The following GOLGA6L2 variants were observed in gnomAD, a reference collection of about 807,000 sequenced individuals.
The protein encoded by GOLGA6L2 is golgin subfamily A member 6-like protein 2.
Under a neutral mutation model 35.9 loss-of-function variants are expected in GOLGA6L2, and 30 were observed. The observed-to-expected ratio is 0.83, with a 90% CI of 0.62 to 1.13. GOLGA6L2 has a LOEUF of 1.13. Ranked by LOEUF, GOLGA6L2 falls within the 50% of genes most tolerant of loss-of-function variation. The pLI, the probability that GOLGA6L2 is intolerant of heterozygous loss-of-function variation, is 0.00. For synonymous variants in GOLGA6L2, 297 were observed against 344.0 expected (o/e 0.86, Z 1.51); for missense variants, 821 against 973.4 (o/e 0.84, Z 2.08).
rs74627979 is a variant in GOLGA6L2, at chr15:23,439,447, C to CTT, written c.*296_*297dup. On this transcript the variant is annotated 3_prime_UTR_variant, in exon 8 of 8. Coordinates refer to ENST00000567107, the MANE Select transcript of GOLGA6L2 (RefSeq NM_001304388.2). ...CACAATTTAAAGTAAATTTTCTTTT[C>CTT]TTTTTTTTTTTTTTTTTCAAGTTTG... The CTT allele has an allele frequency of 3.0e-3, 1,233 of 417,180 alleles. No individual in the cohort carries two copies. Among genetic ancestry groups the CTT allele is most frequent in the South Asian group, 5.1e-3 (180 of 35,168 alleles). 25.8% of individuals were successfully genotyped at this position (417,180 alleles called of 1,614,324 possible).
rs1315107087 is a variant in GOLGA6L2, at chr15:23,440,832, C to G, written c.1643G>C (p.Gly548Ala). 5.9e-6 allele frequency: 9 copies of G among 1,519,368 alleles called. No homozygotes were observed. The highest frequency in any genetic ancestry group is 4.2e-5 in the African/African-American group (3 of 72,086). 94.1% of individuals were successfully genotyped at this position (1,519,368 alleles called of 1,614,324 possible). A position where few individuals can be genotyped will look rare whatever the true frequency, so the allele number is the denominator to read the frequency against. ...TTCTCCTGCTCCTGCAGCCTCTCCT[C>G]CTGTCTCCACATCTTCCTGCTCCCG... ...KMREQEDVET[G>A]GEAAGAGEAD... Residue 548 changes from glycine (G) to alanine (A), a missense_variant, in exon 8 of 8, where the codon GGA (glycine) becomes GCA (alanine). Around this residue, in one of 7 missense-constraint regions of GOLGA6L2, gnomAD observed 614 missense variants for 632.3 expected, o/e 0.97. Transcript: ENST00000567107.
chr15:23,441,139 T>C lies in GOLGA6L2; in HGVS notation c.1336A>G (p.Met446Val). The change falls in exon 8 of 8, where the codon ATG (methionine) becomes GTG (valine). Residue 446 changes from methionine (M) to valine (V), a missense_variant. By Grantham distance (21) the Met-to-Val change is conservative. This residue lies in a region of GOLGA6L2 where 614 missense variants were observed against 632.3 expected (regional missense o/e 0.97). Coordinates refer to ENST00000567107, the MANE Select transcript of GOLGA6L2 (RefSeq NM_001304388.2). Reference protein sequence around the residue: ...EKKTRDQEEKMQEEERIRERE... With the variant: ...EKKTRDQEEKVQEEERIRERE... Reference sequence around the variant, plus strand: ...TCCCGTATCCTCTCCTCCTCTTGCATCTTCTCCTCCTGGTCCCGCGTCTTC... The same window carrying C: ...TCCCGTATCCTCTCCTCCTCTTGCACCTTCTCCTCCTGGTCCCGCGTCTTC... 6.6e-7 allele frequency: 1 copy of C among 1,510,056 alleles called. No homozygotes were observed. The highest frequency in any genetic ancestry group is 8.8e-7 in the Non-Finnish European group (1 of 1,130,238). The allele number at this position is 1,510,056 out of a possible 1,614,324, so 93.5% of individuals were successfully genotyped here.
chr15:23,441,158 C>T lies in GOLGA6L2; in HGVS notation c.1317G>A (p.Thr439=), dbSNP rs79909243. ...EKKMQEQEKK[T]RDQEEKMQEE... ...CTTGCATCTTCTCCTCCTGGTCCCG[C>T]GTCTTCTTCTCCTGCTCCTGCATCT... Residue 439 remains threonine (T), a synonymous_variant, in exon 8 of 8, where the codon ACG becomes ACA. Coordinates refer to ENST00000567107, the MANE Select transcript of GOLGA6L2 (RefSeq NM_001304388.2). 2.8e-5 allele frequency: 43 copies of T among 1,536,424 alleles called. No homozygotes were observed. The highest frequency in any genetic ancestry group is 4.8e-5 in the South Asian group (4 of 83,746).
chr15:23,443,370 T>C (rs1209323275), intron 5 of GOLGA6L2, among the ~76,000 whole-genome samples: 1 of 119,772 alleles, frequency 8.3e-6, no homozygotes, highest in Non-Finnish European at 1.8e-5. Flanking sequence ...TATGTTACCA[T>C]AATACGTACA....
rs1342471983 is a variant in GOLGA6L2 at position 23,441,101 on chromosome 15, C to A, written c.1374G>T (p.Lys458Asn). 10 of 1,531,476 alleles carry A rather than the reference C, an allele frequency of 6.5e-6. No homozygotes were observed. The highest frequency in any genetic ancestry group is 1.4e-5 in the African/African-American group (1 of 71,436). The allele number at this position is 1,531,476 out of a possible 1,614,324, so 94.9% of individuals were successfully genotyped here. A position where few individuals can be genotyped will look rare whatever the true frequency, so the allele number is the denominator to read the frequency against. ...GCATCGTCTCCTCCTCTTCCCGCAT[C>A]TTCTTCTCCCGCTCCCGTATCCTCT... ...EEERIREREK[K>N]MREEEETMRE... The change falls in exon 8 of 8, where the codon AAG becomes AAT. Residue 458 changes from lysine to asparagine, a missense_variant. This residue lies in a region of GOLGA6L2 where 614 missense variants were observed against 632.3 expected (regional missense o/e 0.97). Coordinates refer to ENST00000567107, the MANE Select transcript of GOLGA6L2 (RefSeq NM_001304388.2).
chr15:23,441,198 A>G lies in GOLGA6L2; in HGVS notation c.1277T>C (p.Met426Thr), dbSNP rs2070680373. 2 of 1,519,478 alleles carry G rather than the reference A, an allele frequency of 1.3e-6. No homozygotes were observed. Among genetic ancestry groups the G allele is most frequent in the Non-Finnish European group, 8.8e-7 (1 of 1,139,990 alleles). 94.1% of individuals were successfully genotyped at this position (1,519,478 alleles called of 1,614,324 possible). The change falls in exon 8 of 8, where the codon ATG (methionine) becomes ACG (threonine). Residue 426 changes from methionine to threonine, a missense_variant. Met to Thr is a moderately conservative substitution (Grantham distance 81). Around this residue, in one of 7 missense-constraint regions of GOLGA6L2, gnomAD observed 614 missense variants for 632.3 expected, o/e 0.97. Coordinates refer to ENST00000567107, the MANE Select transcript of GOLGA6L2 (RefSeq NM_001304388.2). ...CTCCTGCATCTTCTTCTCCTCCCGCATCTTCTCCACCTGCTCCCACATCTT... is the reference window on the plus strand; with the variant it reads ...CTCCTGCATCTTCTTCTCCTCCCGCGTCTTCTCCACCTGCTCCCACATCTT... ...QEKMWEQVEK[M>T]REEKKMQEQE...
At position 23,447,227 on chromosome 15, in the gene GOLGA6L2, C is replaced by T; in HGVS notation, c.-46G>A. On this transcript the variant is annotated 5_prime_UTR_variant, in exon 1 of 8. Coordinates refer to ENST00000567107, the MANE Select transcript of GOLGA6L2 (RefSeq NM_001304388.2). ...CAAGGATACACCTCCAGTCACGTAC[C>T]ACGCAGCTATGTGACTGAGCCAGAG... is the stretch of plus-strand genomic sequence containing the variant. 1 of 1,092,216 alleles carries T rather than the reference C, an allele frequency of 9.2e-7. No homozygotes were observed. Among genetic ancestry groups the T allele is most frequent in the Non-Finnish European group, 1.4e-6 (1 of 708,150 alleles). The allele number at this position is 1,092,216 out of a possible 1,614,324, so 67.7% of individuals were successfully genotyped here.
intron 1 of GOLGA6L2, among the ~76,000 whole-genome samples, chr15:23,446,593 G>T (rs1020500228): frequency 2.0e-5 from 3 of 152,222 alleles, no homozygotes; most frequent in Non-Finnish European, 4.4e-5. Context: ...TGCCCAAGTT[G>T]CCTCTTTGAG....
intron 6 of GOLGA6L2, 116 bp downstream of exon 6, chr15:23,442,334 T>G (rs528992780): frequency 7.8e-7 from 1 of 1,281,994 alleles, no homozygotes; most frequent in Non-Finnish European, 1.1e-6. Context: ...AGCTTCCCTG[T>G]GCACACATGT....
At chr15:23,443,205 TAAG>T (rs2070717302) in intron 5 of GOLGA6L2, among the ~76,000 whole-genome samples, 2 of 152,080 alleles carry the variant, frequency 1.3e-5, no homozygotes, top group South Asian at 2.1e-4. Context: ...GGGGCACAGA[TAAG>T]AAGGAGGAAA....
intron 7 of GOLGA6L2, 50 bp from the exon 8 acceptor site, chr15:23,441,732 A>G: frequency 1.4e-6 from 2 of 1,434,364 alleles, no homozygotes; most frequent in Non-Finnish European, 1.8e-6. Context: ...TAATCTATAA[A>G]ATAACAGTTT....
rs1596040615 is a variant in GOLGA6L2 at position 23,442,306 on chromosome 15, T to C, written c.650+144A>G. 6 of 1,159,948 alleles carry C rather than the reference T, an allele frequency of 5.2e-6. No individual in the cohort carries two copies. The Admixed American group carries it at 1.0e-4, about 20-fold the overall frequency. 71.9% of individuals were successfully genotyped at this position (1,159,948 alleles called of 1,614,324 possible). ...TGCCTGAGGCTACCCCATGAGTCAG[T>C]GGCACAGCCGGCACTAGAGCTTCCC... On this transcript the variant is annotated intron_variant, in intron 6 of 7. Coordinates refer to ENST00000567107, the MANE Select transcript of GOLGA6L2 (RefSeq NM_001304388.2).
rs1242025332 is a variant in GOLGA6L2 at position 23,447,205 on chromosome 15, G to C, written c.-24C>G. ...ATCAGCGTGATTCAGACGAGGACAA[G>C]GATACACCTCCAGTCACGTACCACG... is the stretch of plus-strand genomic sequence containing the variant. On this transcript the variant is annotated 5_prime_UTR_variant, in exon 1 of 8. Coordinates refer to ENST00000567107, the MANE Select transcript of GOLGA6L2 (RefSeq NM_001304388.2). The C allele has an allele frequency of 7.4e-7, 1 of 1,342,430 alleles. No individual in the cohort carries two copies. The highest frequency in any genetic ancestry group is 1.1e-6 in the Non-Finnish European group (1 of 935,226). The allele number at this position is 1,342,430 out of a possible 1,614,324, so 83.2% of individuals were successfully genotyped here. A position where few individuals can be genotyped will look rare whatever the true frequency, so the allele number is the denominator to read the frequency against.
chr15:23,443,906 A>G lies in GOLGA6L2; in HGVS notation c.462T>C (p.Cys154=). Residue 154 remains cysteine (C), a synonymous_variant, in exon 5 of 8, where the codon TGT becomes TGC. Transcript: ENST00000567107. ...CTCCTGGAATGAGAGAGGTTGAGAC[A>G]CAGCCCAAAGGACTCCCCCTAAAGG... ...SQAFRGSPLG[C]VSTSLIPGES... 1 of 1,545,846 alleles carries G rather than the reference A, an allele frequency of 6.5e-7. No homozygotes were observed. Among genetic ancestry groups the G allele is most frequent in the East Asian group, 2.4e-5 (1 of 41,648 alleles).
intron 2 of GOLGA6L2, among the ~76,000 whole-genome samples, chr15:23,444,822 T>C (rs1267053727): frequency 1.3e-5 from 2 of 152,108 alleles, no homozygotes; most frequent in African/African-American, 2.4e-5. Context: ...TCAACAAGCA[T>C]TGAGCAAGCA....
chr15:23,442,502 C>T lies in GOLGA6L2; in HGVS notation c.598G>A (p.Glu200Lys), dbSNP rs779539911. The T allele has an allele frequency of 1.1e-5, 17 of 1,592,208 alleles. No homozygotes were observed. Among genetic ancestry groups the T allele is most frequent in the South Asian group, 2.2e-5 (2 of 89,582 alleles). ...GCGTCCCTCTCCTTTGTTAACTCCT[C>T]GATGTACTGCAAATAGAGAAAGGTT... ...TWHKKADRYIEELTKERDALS... is the reference protein window; with the variant it reads ...TWHKKADRYIKELTKERDALS... Residue 200 changes from glutamate (E) to lysine (K), a missense_variant, in exon 6 of 8, where the codon GAG (glutamate) becomes AAG (lysine). Physicochemically the swap from Glu to Lys is moderately conservative, Grantham distance 56. Transcript: ENST00000567107.
Position 23,441,519 on chromosome 15 carries a change from T to A in GOLGA6L2, c.956A>T (p.Gln319Leu). The change falls in exon 8 of 8, where the codon CAG (glutamine) becomes CTG (leucine). Residue 319 changes from glutamine to leucine, a missense_variant. Around this residue, in one of 7 missense-constraint regions of GOLGA6L2, gnomAD observed 614 missense variants for 632.3 expected, o/e 0.97. Transcript: ENST00000567107. ...MREQEEKMRR[Q>L]EKRLREQEKE... ...CTCCTGCTCTCGCAGCCTCTTCTCC[T>A]GTCTCCGCATCTTCTCCTCCTGCTC... 1 of 1,386,248 alleles carries A rather than the reference T, an allele frequency of 7.2e-7. No individual in the cohort carries two copies. Among genetic ancestry groups the A allele is most frequent in the Non-Finnish European group, 9.7e-7 (1 of 1,033,616 alleles). 85.9% of individuals were successfully genotyped at this position (1,386,248 alleles called of 1,614,324 possible). A position where few individuals can be genotyped will look rare whatever the true frequency, so the allele number is the denominator to read the frequency against.
chr15:23,443,710 C>A (rs1417150965), intron 5 of GOLGA6L2, 67 bp downstream of exon 5: 1 of 1,221,068 alleles, frequency 8.2e-7, no homozygotes. Context: ...GCAGGAGGGA[C>A]CTTTAGGCTC....
Position 23,444,449 on chromosome 15 carries a change from G to A in GOLGA6L2, c.243+22C>T, listed in dbSNP as rs566257589. On this transcript the variant is annotated intron_variant, in intron 3 of 7. Transcript: ENST00000567107. ...GCCCTCCAAACCCAGCAGTCATGTC[G>A]TGAGCAAACAAATCACGTTACTTCT... 35 of 1,600,286 alleles carry A rather than the reference G, an allele frequency of 2.2e-5. 1 individual carries two copies. The highest frequency in any genetic ancestry group is 2.1e-4 in the South Asian group (19 of 91,042).
Sources: gnomAD v4.1 joint callset for allele counts (sites outside exome capture counted in the v4.1 genomes callset) on GRCh38, gnomAD v4.1.1 for gene constraint, gnomAD v4.1.1 regional missense constraint, MANE v1.5 for transcripts, NCBI Gene and HGNC (gene_info 2026-07-23, HGNC 2026-07-21) for gene names.